TP53BP1: variants seen among roughly 807,000 people sequenced by gnomAD.
TP53BP1 encodes the protein TP53-binding protein 1.
Under a neutral mutation model 200.8 loss-of-function variants are expected in TP53BP1, and 61 were observed. That is an observed-to-expected ratio of 0.30 (90% confidence interval 0.25 to 0.38). The LOEUF is 0.38. Ranked by LOEUF, TP53BP1 falls within the 10% of genes least tolerant of loss-of-function variation. The pLI, the probability that TP53BP1 is intolerant of heterozygous loss-of-function variation, is 1.00. For missense variants in TP53BP1, 2,144 were observed against 2,371.9 expected (o/e 0.90, Z 2.00); for synonymous variants, 822 against 844.3 (o/e 0.97, Z 0.46).
intron 16 of TP53BP1, among the ~76,000 whole-genome samples, chr15:43,435,599 T>C (rs2142999893): frequency 6.6e-6 from 1 of 152,364 alleles, no homozygotes; most frequent in South Asian, 2.1e-4. Context: ...AAGCTCACAC[T>C]TATTCAGAAT....
At chr15:43,416,660 T>C (rs2045272451) in intron 21 of TP53BP1, 1 of 346,636 alleles carries the variant, frequency 2.9e-6, no homozygotes, top group African/African-American at 2.1e-5. Flanking sequence ...AGTTATAAAA[T>C]AAAGCTTCCC....
intron 17 of TP53BP1, among the ~76,000 whole-genome samples, chr15:43,428,894 C>CA (rs2045611119): frequency 6.6e-6 from 1 of 152,042 alleles, no homozygotes. Flanking sequence ...TTCTTTCATT[C>CA]AAAAAACATT....
intron 18 of TP53BP1, among the ~76,000 whole-genome samples, chr15:43,424,825 C>T (rs1238356159): frequency 1.3e-5 from 2 of 152,312 alleles, no homozygotes; most frequent in East Asian, 3.9e-4. Context: ...CTCCAAAACA[C>T]ATGTTGAAAT....
At chr15:43,407,811 T>C in intron 27 of TP53BP1, 132 bp downstream of exon 27, 1 of 960,210 alleles carries the variant, frequency 1.0e-6, no homozygotes, top group Non-Finnish European at 1.6e-6. Context: ...CTCTTGAAGG[T>C]GGTACTTTTC....
At chr15:43,463,492 T>C (rs2046488226) in intron 11 of TP53BP1, among the ~76,000 whole-genome samples, 1 of 151,990 alleles carries the variant, frequency 6.6e-6, no homozygotes, top group Non-Finnish European at 1.5e-5. Flanking sequence ...GTTTGACATA[T>C]AATGAAAAAA....
In TP53BP1 at chr15:43,409,116, G is replaced by A. The variant is rs374117172; in HGVS notation, c.5401-20C>T. ...GTTACACTGCAAGAAAAGAAGCAGA[G>A]CCAATGGGTTTGGTGACTTCTGTGG... On this transcript the variant is annotated intron_variant, in intron 25 of 27. Transcript: ENST00000382044. 3.7e-6 allele frequency: 6 copies of A among 1,612,596 alleles called. No homozygotes were observed. Among genetic ancestry groups the A allele is most frequent in the African/African-American group, 1.3e-5 (1 of 74,902 alleles).
chr15:43,446,429 C>G lies in TP53BP1; in HGVS notation c.2998G>C (p.Glu1000Gln), dbSNP rs1307581320. The change falls in exon 14 of 28, where the codon GAG becomes CAG. Residue 1000 changes from glutamate (E) to glutamine (Q), a missense_variant. Transcript: ENST00000382044. ...AAAGACTCTTCACTCGCCTCAGTCT[C>G]AGGACTAACCAGTTTCATTCTTAGA... ...LCLRMKLVSPETEASEESLQF... is the reference protein window; with the variant it reads ...LCLRMKLVSPQTEASEESLQF... 6.2e-7 allele frequency: 1 copy of G among 1,614,188 alleles called. No homozygotes were observed. The highest frequency in any genetic ancestry group is 8.5e-7 in the Non-Finnish European group (1 of 1,180,024).
exon 1 of TP53BP1, chr15:43,510,410 A>G (rs1448319537): frequency 2.0e-5 from 3 of 152,926 alleles, no homozygotes; most frequent in Non-Finnish European, 4.4e-5. Flanking sequence ...CCCCTCCAAT[A>G]CTGCGCAGCC....
chr15:43,465,035 G>C (rs1020929327), intron 11 of TP53BP1, among the ~76,000 whole-genome samples: 1 of 151,884 alleles, frequency 6.6e-6, no homozygotes, highest in African/African-American at 2.4e-5. Context: ...CTACAACACA[G>C]GTGAATCCTG....
chr15:43,426,547 C>T (rs1217757853), intron 18 of TP53BP1, among the ~76,000 whole-genome samples: 1 of 151,480 alleles, frequency 6.6e-6, no homozygotes, highest in East Asian at 1.9e-4. Context: ...AACAATTCCT[C>T]AAACTAACAT....
At chr15:43,464,264 G>T (rs761229489) in intron 11 of TP53BP1, among the ~76,000 whole-genome samples, 11 of 152,218 alleles carry the variant, frequency 7.2e-5, no homozygotes, top group South Asian at 6.2e-4. Context: ...GACTATTCCA[G>T]ACAGAAGAAA....
intron 11 of TP53BP1, among the ~76,000 whole-genome samples, chr15:43,463,444 G>C (rs900012510): frequency 1.3e-5 from 2 of 152,084 alleles, no homozygotes; most frequent in Non-Finnish European, 2.9e-5. Context: ...AGAAATAACA[G>C]ATGAACAAGG....
chr15:43,411,012 G>C (rs1178143592), intron 24 of TP53BP1, among the ~76,000 whole-genome samples: 3 of 152,114 alleles, frequency 2.0e-5, no homozygotes, highest in Non-Finnish European at 4.4e-5. Context: ...TCTCAATATA[G>C]CATGTCACAA....
chr15:43,416,599 T>A (rs1266442943), intron 21 of TP53BP1, 183 bp from the exon 22 acceptor site: 1 of 495,282 alleles, frequency 2.0e-6, no homozygotes, highest in Non-Finnish European at 3.5e-6. Flanking sequence ...TATATGTAGC[T>A]ACTACACTGG....
rs537196817 is a variant in TP53BP1, at chr15:43,461,906, G to A, written c.1390-4688C>T. On this transcript the variant is annotated intron_variant, in intron 11 of 27. Coordinates refer to ENST00000382044, the MANE Select transcript of TP53BP1 (RefSeq NM_001141980.3). ...GCCGGTCTCAAACTCCTGACCTCAA[G>A]TGATTGGTCTGCCTCGGCCTCCCAA... is the stretch of plus-strand genomic sequence containing the variant. Among the ~76,000 whole-genome samples, 8 of 151,854 alleles carry A rather than the reference G, an allele frequency of 5.3e-5. No individual in the cohort carries two copies. The South Asian group carries it at 6.2e-4, about 12-fold the overall frequency.
At chr15:43,497,145 G>C (rs994675854), upstream of TP53BP1, among the ~76,000 whole-genome samples, 1 of 152,166 alleles carries the variant, frequency 6.6e-6, no homozygotes, top group Non-Finnish European at 1.5e-5. Flanking sequence ...AGTAATCCCA[G>C]TACTTTGGGA....
At chr15:43,441,712 C>T in intron 14 of TP53BP1, 129 bp from the exon 15 acceptor site, 1 of 645,316 alleles carries the variant, frequency 1.5e-6, no homozygotes, top group Non-Finnish European at 2.8e-6. Context: ...ATAAGTAAAA[C>T]TAGTAAGTAT....
intron 19 of TP53BP1, 32 bp from the exon 20 acceptor site, chr15:43,421,206 A>C (rs2045388853): frequency 1.2e-6 from 2 of 1,609,572 alleles, no homozygotes; most frequent in African/African-American, 2.7e-5. Flanking sequence ...GTCTGATAGC[A>C]CCTGCTACTG....
At chr15:43,448,579 G>A (rs1170813899) in intron 12 of TP53BP1, among the ~76,000 whole-genome samples, 1 of 148,910 alleles carries the variant, frequency 6.7e-6, no homozygotes, top group Non-Finnish European at 1.5e-5. Context: ...TGGCTCTGTC[G>A]CCCAGGCTGG....
Sources: gnomAD v4.1 joint callset for allele counts (sites outside exome capture counted in the v4.1 genomes callset) on GRCh38, gnomAD v4.1.1 for gene constraint, MANE v1.5 for transcripts, NCBI Gene and HGNC (gene_info 2026-07-23, HGNC 2026-07-21) for gene names.